The following FER variants were observed in gnomAD, a reference collection of about 807,000 sequenced individuals.
FER encodes the protein FER tyrosine kinase, also known as tyrosine-protein kinase Fer.
FER carries 63 observed loss-of-function variants against 111.0 expected under a neutral mutation model. That is an observed-to-expected ratio of 0.57 (90% CI 0.46 to 0.70). The LOEUF (loss-of-function observed/expected upper bound fraction) is 0.70, where lower values mean the gene tolerates loss of function less well. Among genes scored for constraint, FER ranks in the 30% least tolerant of loss-of-function variants. The pLI is 0.00. For missense variants in FER, 914 were observed against 954.0 expected, an observed-to-expected ratio of 0.96 and a Z score of 0.55; for synonymous variants, 327 against 313.9, an observed-to-expected ratio of 1.04 and a Z score of -0.44.
At chr5:108,773,575 T>C (rs1753159173) in intron 2 of FER, among the ~76,000 whole-genome samples, 1 of 152,202 alleles carries the variant, frequency 6.6e-6, no homozygotes, top group African/African-American at 2.4e-5. Flanking sequence ...ATGTACACTT[T>C]TTTTTAATCC....
intron 16 of FER, among the ~76,000 whole-genome samples, chr5:109,090,285 T>G (rs566205834): frequency 1.3e-4 from 20 of 152,222 alleles, no homozygotes; most frequent in African/African-American, 4.8e-4. Context: ...ATGCACAATC[T>G]CAAGTCACAT....
chr5:109,143,530 C>G (rs1459112900), intron 17 of FER, among the ~76,000 whole-genome samples: 1 of 151,900 alleles, frequency 6.6e-6, no homozygotes, highest in Non-Finnish European at 1.5e-5. Flanking sequence ...CTCCCTTTTT[C>G]AGACATCACT....
At chr5:109,098,239 T>C (rs2150060331) in intron 16 of FER, among the ~76,000 whole-genome samples, 1 of 152,030 alleles carries the variant, frequency 6.6e-6, no homozygotes, top group African/African-American at 2.4e-5. Context: ...TTATGTACTA[T>C]TAAACAATAT....
chr5:108,964,910 T>C (rs1021481272), intron 13 of FER, among the ~76,000 whole-genome samples: 1 of 152,160 alleles, frequency 6.6e-6, no homozygotes, highest in Non-Finnish European at 1.5e-5. Context: ...TTAATCATTT[T>C]ATGCTGTCAC....
intron 13 of FER, among the ~76,000 whole-genome samples, chr5:108,996,036 G>A (rs775647525): frequency 5.3e-5 from 8 of 152,206 alleles, no homozygotes; most frequent in South Asian, 4.1e-4. Flanking sequence ...GCTTTTCTTC[G>A]TATGTTTGTT....
chr5:108,919,970 G>T (rs941078788), intron 10 of FER, among the ~76,000 whole-genome samples: 2 of 152,088 alleles, frequency 1.3e-5, no homozygotes, highest in Non-Finnish European at 2.9e-5. Flanking sequence ...TTGCAAAAAT[G>T]TTTAGTACAG....
intron 10 of FER, among the ~76,000 whole-genome samples, chr5:108,944,033 A>G (rs1456320440): frequency 1.3e-5 from 2 of 151,992 alleles, no homozygotes; most frequent in Non-Finnish European, 2.9e-5. Context: ...CAAGCCTGGC[A>G]TAGAGTTCTT....
chr5:109,106,913 T>A (rs1394493702), intron 17 of FER, among the ~76,000 whole-genome samples: 2 of 152,090 alleles, frequency 1.3e-5, no homozygotes, highest in Non-Finnish European at 2.9e-5. Flanking sequence ...AATGAGAGAT[T>A]TGGAGTAAAG....
intron 10 of FER, among the ~76,000 whole-genome samples, chr5:108,929,519 T>G (rs1171316057): frequency 6.6e-6 from 1 of 152,166 alleles, no homozygotes; most frequent in Non-Finnish European, 1.5e-5. Context: ...CAAAGCAATG[T>G]TGGCTTTTCC....
intron 1 of FER, among the ~76,000 whole-genome samples, chr5:108,762,444 T>C (rs1468212109): frequency 1.3e-5 from 2 of 152,214 alleles, no homozygotes; most frequent in African/African-American, 4.8e-5. Context: ...TTTCTCCTTC[T>C]GCATGATTCC....
chr5:108,931,845 G>A (rs1754725262), intron 10 of FER, among the ~76,000 whole-genome samples: 1 of 151,978 alleles, frequency 6.6e-6, no homozygotes, highest in African/African-American at 2.4e-5. Flanking sequence ...AAAAAAAATA[G>A]TGCATAATTC....
intron 17 of FER, among the ~76,000 whole-genome samples, chr5:109,166,469 A>T (rs769603958): frequency 6.6e-6 from 1 of 152,138 alleles, no homozygotes; most frequent in Non-Finnish European, 1.5e-5. Flanking sequence ...CTCTAACCCC[A>T]AGTCTGCCCA....
At chr5:109,135,126 A>T (rs2126598418) in intron 17 of FER, among the ~76,000 whole-genome samples, 1 of 152,352 alleles carries the variant, frequency 6.6e-6, no homozygotes, top group South Asian at 2.1e-4. Context: ...TACATTGTTG[A>T]TACCTGTGGA....
chr5:108,975,341 G>C (rs6893984), intron 13 of FER, among the ~76,000 whole-genome samples: 1 of 151,704 alleles, frequency 6.6e-6, no homozygotes, highest in South Asian at 2.1e-4. Flanking sequence ...TAGGTGCAGC[G>C]AACCACCATG....
At chr5:108,962,787 A>G (rs1208544627) in intron 13 of FER, among the ~76,000 whole-genome samples, 4 of 152,224 alleles carry the variant, frequency 2.6e-5, no homozygotes, top group Admixed American at 6.5e-5. Context: ...GCTATAAAAT[A>G]TTATGAATGA....
chr5:109,189,811 C>G lies in FER; in HGVS notation c.*2236C>G, dbSNP rs997352157. 6.6e-5 allele frequency: 10 copies of G among 152,152 alleles called. No individual in the cohort carries two copies. The highest frequency in any genetic ancestry group is 1.3e-4 in the Non-Finnish European group (9 of 68,024). 9.4% of individuals were successfully genotyped at this position (152,152 alleles called of 1,614,324 possible). On this transcript the variant is annotated 3_prime_UTR_variant, in exon 20 of 20. Transcript: ENST00000281092. ...TATGAACAAGACCTAAAGCTTAATC[C>G]TGACATTCTGGTGTTAAGAATGAAC... is the stretch of plus-strand genomic sequence containing the variant.
intron 10 of FER, among the ~76,000 whole-genome samples, chr5:108,939,320 T>C (rs1755940275): frequency 6.6e-6 from 1 of 152,116 alleles, no homozygotes; most frequent in Non-Finnish European, 1.5e-5. Flanking sequence ...TAGTGATCAT[T>C]GTGACATTTG....
intron 13 of FER, among the ~76,000 whole-genome samples, chr5:109,003,907 G>A (rs114492984): frequency 2.0e-3 from 303 of 152,294 alleles, no homozygotes; most frequent in Middle Eastern, 6.8e-3. Flanking sequence ...TTAAGCCCAG[G>A]GGGTTGAGGC....
chr5:109,074,006 T>A (rs1294682739), intron 16 of FER, among the ~76,000 whole-genome samples: 1 of 152,174 alleles, frequency 6.6e-6, no homozygotes, highest in Admixed American at 6.6e-5. Context: ...TAAACACTTA[T>A]CCTGTCTTAC....
Sources: gnomAD v4.1 joint callset for allele counts (sites outside exome capture counted in the v4.1 genomes callset) on GRCh38, gnomAD v4.1.1 for gene constraint, MANE v1.5 for transcripts, NCBI Gene and HGNC (gene_info 2026-07-23, HGNC 2026-07-21) for gene names.